Variants in APP observed in about 807,000 individuals in gnomAD.
APP encodes amyloid-beta precursor protein.
Under a neutral mutation model 101.4 loss-of-function variants are expected in APP, and 31 were observed. The ratio of observed to expected loss-of-function variants is 0.31; its 90% CI spans 0.23 to 0.41. APP has a LOEUF of 0.41. APP is among the 10% of genes least tolerant of loss of function. The probability of loss-of-function intolerance (pLI) is 1.00; values close to 1 mark genes in which losing one functional copy is unlikely to be tolerated. For missense variants in APP, 839 were observed against 1,003.7 expected (o/e 0.84, Z 2.22); for synonymous variants, 366 against 364.4 (o/e 1.00, Z -0.05).
chr21:26,147,760 C>T (rs1569032568), intron 1 of APP, among the ~76,000 whole-genome samples: 1 of 151,938 alleles, frequency 6.6e-6, no homozygotes, highest in Non-Finnish European at 1.5e-5. Flanking sequence ...TAGGATCACA[C>T]AGGCGAACAC....
intron 13 of APP, among the ~76,000 whole-genome samples, chr21:25,952,306 G>A (rs972758624): frequency 6.6e-6 from 1 of 150,804 alleles, no homozygotes; most frequent in African/African-American, 2.4e-5. Context: ...GTGCAGGTCT[G>A]TTACATATGT....
intron 5 of APP, among the ~76,000 whole-genome samples, chr21:26,037,134 C>G (rs1485042780): frequency 6.6e-6 from 1 of 152,150 alleles, no homozygotes; most frequent in East Asian, 1.9e-4. Context: ...AGTTAAACAC[C>G]ACATGCTCTC....
Position 25,891,794 on chromosome 21 carries a change from C to T in APP, c.2139G>A (p.Ala713=), listed in dbSNP as rs749919142. The change falls in exon 17 of 18, where the codon GCG becomes GCA. Residue 713 remains alanine, a synonymous_variant. Coordinates refer to ENST00000346798, the MANE Select transcript of APP (RefSeq NM_000484.4). ...TCACCAAGGTGATGACGATCACTGT[C>T]GCTATGACAACACCGCCCACCATGA... ...IGLMVGGVVI[A]TVIVITLVML... is the part of the protein sequence containing the mutation. 6.2e-6 allele frequency: 10 copies of T among 1,614,086 alleles called. No homozygotes were observed. Among genetic ancestry groups the T allele is most frequent in the African/African-American group, 4.0e-5 (3 of 75,030 alleles).
At chr21:26,115,373 C>A (rs1450703811) in intron 1 of APP, among the ~76,000 whole-genome samples, 1 of 152,168 alleles carries the variant, frequency 6.6e-6, no homozygotes, top group East Asian at 1.9e-4. Flanking sequence ...GAGCAATTAG[C>A]TTGGAGATAC....
intron 8 of APP, among the ~76,000 whole-genome samples, chr21:25,985,410 C>T (rs1003457274): frequency 2.6e-5 from 4 of 152,158 alleles, no homozygotes; most frequent in East Asian, 3.9e-4. Context: ...AGGAATCACC[C>T]GATCTGCTGA....
At chr21:26,124,192 T>C (rs918093320) in intron 1 of APP, among the ~76,000 whole-genome samples, 1 of 152,152 alleles carries the variant, frequency 6.6e-6, no homozygotes, top group Non-Finnish European at 1.5e-5. Flanking sequence ...GACAAAGGTG[T>C]GGAACAATAC....
At chr21:26,037,338 T>C (rs1416851793) in intron 5 of APP, among the ~76,000 whole-genome samples, 1 of 152,122 alleles carries the variant, frequency 6.6e-6, no homozygotes, top group Non-Finnish European at 1.5e-5. Flanking sequence ...CAGTAATATA[T>C]GACATAATCT....
chr21:25,881,916 A>G (rs192453012), intron 17 of APP, 145 bp from the exon 18 acceptor site: 70 of 851,252 alleles, frequency 8.2e-5, no homozygotes, highest in Non-Finnish European at 1.2e-4. Flanking sequence ...CCACTTTGAC[A>G]TCTTGGAGCA....
chr21:26,152,745 A>G (rs1336468273), intron 1 of APP, among the ~76,000 whole-genome samples: 5 of 152,198 alleles, frequency 3.3e-5, no homozygotes, highest in Non-Finnish European at 7.3e-5. Flanking sequence ...GATTTCCTAA[A>G]GAGTTAAAAG....
Position 25,881,620 on chromosome 21 carries a change from G to A in APP, c.*50C>T, listed in dbSNP as rs1481257485. ...TTCTATAAATGGACACCGATGGGTA[G>A]TGAAGCAATGGTTTTGCTGTCCAAC... On this transcript the variant is annotated 3_prime_UTR_variant, in exon 18 of 18. Transcript: ENST00000346798. 5 of 1,564,020 alleles carry A rather than the reference G, an allele frequency of 3.2e-6. No individual in the cohort carries two copies. The highest frequency in any genetic ancestry group is 1.4e-5 in the African/African-American group (1 of 73,806).
intron 7 of APP, among the ~76,000 whole-genome samples, chr21:25,998,710 G>A (rs979465630): frequency 2.6e-5 from 4 of 152,154 alleles, no homozygotes; most frequent in Admixed American, 2.0e-4. Context: ...CACAGTTATT[G>A]AGTTTCATTT....
intron 8 of APP, among the ~76,000 whole-genome samples, chr21:25,992,042 TCA>T (rs1156354544): frequency 2.0e-5 from 3 of 152,234 alleles, no homozygotes; most frequent in Non-Finnish European, 2.9e-5. Flanking sequence ...CTTTGTTCTC[TCA>T]CAGTGCAACG....
intron 1 of APP, among the ~76,000 whole-genome samples, chr21:26,137,058 C>CACCTCT (rs11283222): frequency 9.9e-5 from 15 of 152,052 alleles, no homozygotes; most frequent in African/African-American, 3.4e-4. Flanking sequence ...CCTCCACCTC[C>CACCTCT]GCCTCCTGAG....
chr21:26,061,341 T>C (rs2046258103), intron 3 of APP, among the ~76,000 whole-genome samples: 1 of 152,254 alleles, frequency 6.6e-6, no homozygotes, highest in South Asian at 2.1e-4. Context: ...ATACACTAGA[T>C]ATGTGTATAT....
At chr21:25,984,972 T>A (rs893652235) in intron 8 of APP, among the ~76,000 whole-genome samples, 2 of 152,158 alleles carry the variant, frequency 1.3e-5, no homozygotes, top group Admixed American at 6.5e-5. Flanking sequence ...ACTTACTATA[T>A]AAGAAGGAAA....
intron 16 of APP, among the ~76,000 whole-genome samples, chr21:25,893,266 C>T (rs890984567): frequency 1.3e-5 from 2 of 152,146 alleles, no homozygotes; most frequent in African/African-American, 4.8e-5. Context: ...CTCCCTATCC[C>T]TTGAGAGACA....
intron 6 of APP, among the ~76,000 whole-genome samples, chr21:26,002,958 C>T (rs1349607955): frequency 3.9e-5 from 6 of 152,034 alleles, no homozygotes. Flanking sequence ...GAATGATGAT[C>T]GAAGGAGATG....
At chr21:26,115,017 T>C (rs1463441966) in intron 1 of APP, among the ~76,000 whole-genome samples, 1 of 152,210 alleles carries the variant, frequency 6.6e-6, no homozygotes, top group Admixed American at 6.5e-5. Context: ...GTTGTCTTCA[T>C]TTTAACAATG....
rs899490790 is a variant in APP at position 25,880,614 on chromosome 21, TAAAAG to T, written c.*1051_*1055del. 6.6e-5 allele frequency: 10 copies of T among 152,342 alleles called. No individual in the cohort carries two copies. The highest frequency in any genetic ancestry group is 1.9e-4 in the East Asian group (1 of 5,184). 9.4% of individuals were successfully genotyped at this position (152,342 alleles called of 1,614,324 possible). On this transcript the variant is annotated 3_prime_UTR_variant, in exon 18 of 18. Coordinates refer to ENST00000346798, the MANE Select transcript of APP (RefSeq NM_000484.4). ...TTTTATACAAATTGAAGACACATCT[TAAAAG>T]AAGGGTTTGTCCAGGCATGCCTTCC...
Sources: allele counts gnomAD v4.1 joint callset (sites outside exome capture counted in the v4.1 genomes callset), GRCh38; gene constraint gnomAD v4.1.1; transcripts MANE v1.5; gene names NCBI Gene and HGNC (gene_info 2026-07-23, HGNC 2026-07-21).